SLC12A1: variants seen among roughly 807,000 people sequenced by gnomAD.
SLC12A1 encodes the protein solute carrier family 12 member 1, also known as Na-K-2Cl cotransporter.
Under a neutral mutation model 130.4 loss-of-function variants are expected in SLC12A1, and 89 were observed. That is an observed-to-expected ratio of 0.68 (90% CI 0.58 to 0.81). The LOEUF is 0.81. Among genes scored for constraint, SLC12A1 ranks in the 40% least tolerant of loss-of-function variants. The probability of loss-of-function intolerance (pLI) is 0.00; values close to 1 mark genes in which losing one functional copy is unlikely to be tolerated. For missense variants in SLC12A1, 1,310 were observed against 1,336.4 expected (o/e 0.98, Z 0.31); for synonymous variants, 499 against 460.0 (o/e 1.08, Z -1.09).
intron 13 of SLC12A1, among the ~76,000 whole-genome samples, chr15:48,248,651 C>T (rs1446634131): frequency 6.6e-6 from 1 of 152,204 alleles, no homozygotes; most frequent in African/African-American, 2.4e-5. Context: ...AGATGTCTGA[C>T]CTTCAGATAA....
At position 48,229,268 on chromosome 15, in the gene SLC12A1, T is replaced by C. The variant is rs1383786695; in HGVS notation, c.804T>C (p.Asn268=). 1.9e-6 allele frequency: 3 copies of C among 1,604,260 alleles called. No homozygotes were observed. Among genetic ancestry groups the C allele is most frequent in the African/African-American group, 1.3e-5 (1 of 74,868 alleles). Residue 268 remains asparagine (N), a synonymous_variant, in exon 6 of 27, where the codon AAT becomes AAC. Transcript: ENST00000380993. ...TAGGCCTGATCTTTGCTTTTGCTAA[T>C]GCAGTGGCTGTTGCTATGTATGTGG... ...GSIGLIFAFA[N]AVAVAMYVVG...
chr15:48,265,427 A>G (rs2041822065), intron 17 of SLC12A1, among the ~76,000 whole-genome samples: 1 of 152,228 alleles, frequency 6.6e-6, no homozygotes, highest in African/African-American at 2.4e-5. Flanking sequence ...TTATTCTTCT[A>G]TCTAATGGCT....
At position 48,230,432 on chromosome 15, in the gene SLC12A1, C is replaced by A; in HGVS notation, c.904C>A (p.Arg302=). ...GATGGTGGATCCAACCAATGACATC[C>A]GGATTATAGGCTCCATCACAGTGGT... is the stretch of plus-strand genomic sequence containing the variant. The part of the protein sequence containing the change: ...SMMVDPTNDI[R]IIGSITVVIL... The change falls in exon 7 of 27, where the codon CGG becomes AGG. Residue 302 remains arginine, a synonymous_variant. Coordinates refer to ENST00000380993, the MANE Select transcript of SLC12A1 (RefSeq NM_000338.3). 6.2e-7 allele frequency: 1 copy of A among 1,612,850 alleles called. No individual in the cohort carries two copies. The highest frequency in any genetic ancestry group is 8.5e-7 in the Non-Finnish European group (1 of 1,179,468).
In SLC12A1 at chr15:48,267,639, A is replaced by G; in HGVS notation, c.2233A>G (p.Lys745Glu). Reference protein sequence around the residue: ...KQAWLIKNKIKAFYAAVAADC... With the variant: ...KQAWLIKNKIEAFYAAVAADC... Reference sequence around the variant, plus strand: ...GGCCTGGCTTATAAAGAACAAAATCAAGGCTTTTTATGCTGCAGTGGCGGC... The same window carrying G: ...GGCCTGGCTTATAAAGAACAAAATCGAGGCTTTTTATGCTGCAGTGGCGGC... Residue 745 changes from lysine to glutamate, a missense_variant, in exon 18 of 27, where the codon AAG becomes GAG. Coordinates refer to ENST00000380993, the MANE Select transcript of SLC12A1 (RefSeq NM_000338.3). 2 of 1,613,670 alleles carry G rather than the reference A, an allele frequency of 1.2e-6. No homozygotes were observed. Among genetic ancestry groups the G allele is most frequent in the Non-Finnish European group, 8.5e-7 (1 of 1,179,642 alleles).
At chr15:48,283,471 T>C (rs1321869451) in intron 20 of SLC12A1, among the ~76,000 whole-genome samples, 1 of 152,226 alleles carries the variant, frequency 6.6e-6, no homozygotes, top group Non-Finnish European at 1.5e-5. Flanking sequence ...AGATTTTCTA[T>C]AGCTGCTGAT....
chr15:48,296,200 T>C lies in SLC12A1; in HGVS notation c.2961-2940T>C, dbSNP rs543742067. On this transcript the variant is annotated intron_variant, in intron 24 of 26. Coordinates refer to ENST00000380993, the MANE Select transcript of SLC12A1 (RefSeq NM_000338.3). ...GCCGGGTGATACACAATGTCAAAAATAGTTTGTCAATGATTTCCATGTTGG... is the reference window on the plus strand; with the variant it reads ...GCCGGGTGATACACAATGTCAAAAACAGTTTGTCAATGATTTCCATGTTGG... Among the ~76,000 whole-genome samples the C allele has an allele frequency of 9.8e-5, 15 of 152,338 alleles. No individual in the cohort carries two copies. The South Asian group carries it at 2.9e-3, about 29-fold the overall frequency.
chr15:48,221,459 T>C (rs1488315991), intron 4 of SLC12A1: 43 of 685,754 alleles, frequency 6.3e-5, no homozygotes, highest in Admixed American at 3.8e-4. Context: ...CCAAAGAAAA[T>C]AATTGTGTTA....
chr15:48,276,435 G>A (rs1358170713), intron 20 of SLC12A1, among the ~76,000 whole-genome samples: 1 of 152,108 alleles, frequency 6.6e-6, no homozygotes, highest in Non-Finnish European at 1.5e-5. Flanking sequence ...GGTAATTAAG[G>A]TAAAATTAGG....
intron 10 of SLC12A1, among the ~76,000 whole-genome samples, chr15:48,243,590 G>T (rs2041543301): frequency 6.9e-6 from 1 of 145,216 alleles, no homozygotes; most frequent in African/African-American, 2.9e-5. Context: ...AGGAGGCGGA[G>T]GTTGCAGTGA....
chr15:48,253,396 G>T (rs1367076998), intron 15 of SLC12A1, among the ~76,000 whole-genome samples: 1 of 152,202 alleles, frequency 6.6e-6, no homozygotes, highest in African/African-American at 2.4e-5. Flanking sequence ...GTCTGATCCT[G>T]TAGCTTTGCC....
At chr15:48,258,816 A>G (rs2041738423) in intron 16 of SLC12A1, among the ~76,000 whole-genome samples, 1 of 152,182 alleles carries the variant, frequency 6.6e-6, no homozygotes, top group African/African-American at 2.4e-5. Context: ...CCTCACAATC[A>G]TGGTGGAGGG....
intron 20 of SLC12A1, among the ~76,000 whole-genome samples, chr15:48,277,350 C>G (rs1039587328): frequency 2.6e-5 from 4 of 151,866 alleles, no homozygotes; most frequent in Non-Finnish European, 5.9e-5. Flanking sequence ...ACCACTTCAT[C>G]TAAAATTGGA....
chr15:48,228,049 G>A (rs2041315163), intron 5 of SLC12A1: 2 of 152,132 alleles, frequency 1.3e-5, no homozygotes, highest in African/African-American at 2.4e-5. Context: ...TCAGCAAAAA[G>A]TAATTTTGTT....
chr15:48,240,054 T>TCC (rs1279129785), intron 9 of SLC12A1, among the ~76,000 whole-genome samples: 817 of 80,778 alleles, frequency 0.01, 86 homozygotes, highest in African/African-American at 0.031. Context: ...TATATCCATA[T>TCC]ATATATATAT....
In SLC12A1 at chr15:48,302,721, A is replaced by G. The variant is rs1566863238; in HGVS notation, c.3165-29A>G. The G allele has an allele frequency of 3.2e-6, 5 of 1,570,342 alleles. No homozygotes were observed. In the Admixed American group the frequency reaches 5.5e-5, roughly 17 times the overall value. ...ACTACCTATAGTAATTTTCACTTTC[A>G]TTTTTAAATTTTTCCTTCATGTCAT... On this transcript the variant is annotated intron_variant, in intron 26 of 26. Transcript: ENST00000380993.
At chr15:48,263,922 G>C (rs1011745066) in intron 17 of SLC12A1, among the ~76,000 whole-genome samples, 3 of 151,956 alleles carry the variant, frequency 2.0e-5, no homozygotes, top group African/African-American at 7.3e-5. Context: ...CCAACTCCTG[G>C]GCTCAAGCGA....
chr15:48,263,829 A>T (rs2041802040), intron 17 of SLC12A1, among the ~76,000 whole-genome samples: 1 of 152,002 alleles, frequency 6.6e-6, no homozygotes, highest in Admixed American at 6.6e-5. Context: ...AGTGTCCGGG[A>T]CTACAGGCAT....
At chr15:48,230,264 T>TC (rs1479956187) in intron 6 of SLC12A1, 129 bp from the exon 7 acceptor site, 2 of 604,164 alleles carry the variant, frequency 3.3e-6, no homozygotes, top group East Asian at 5.6e-5. Context: ...GTATGAATAC[T>TC]CCATTTTTCT....
rs755125376 is a variant in SLC12A1 at position 48,285,126 on chromosome 15, C to T, written c.2506C>T (p.Gln836Ter). ...ATCAGAGGAATTAGAGAGATTAGAA[C>T]AGGAGAGACTAGCATTGGAAGCGAC... ...QVQEELERLE[Q>*]ERLALEATIK... is the part of the protein sequence containing the mutation. The change falls in exon 21 of 27, where the codon CAG becomes TAG. Residue 836 changes from glutamine (Q) to a stop codon, truncating the protein, a stop_gained. Transcript: ENST00000380993. LOFTEE classifies it high-confidence loss of function. 1.2e-6 allele frequency: 2 copies of T among 1,611,502 alleles called. No individual in the cohort carries two copies.
Sources: allele counts gnomAD v4.1 joint callset (sites outside exome capture counted in the v4.1 genomes callset), GRCh38; gene constraint gnomAD v4.1.1; transcripts MANE v1.5; gene names NCBI Gene and HGNC (gene_info 2026-07-23, HGNC 2026-07-21).